Variants in GABRG3 observed in about 807,000 individuals in gnomAD.
The protein encoded by GABRG3 is gamma-aminobutyric acid type A receptor subunit gamma3, also known as gamma-aminobutyric acid receptor subunit gamma-3.
In GABRG3, 25 loss-of-function variants were observed where a neutral mutation model predicts 48.8. The ratio of observed to expected loss-of-function variants is 0.51; its 90% CI spans 0.37 to 0.72. The LOEUF is 0.72. Among genes scored for constraint, GABRG3 ranks in the 30% least tolerant of loss-of-function variants. GABRG3 has a pLI of 0.00. For missense variants in GABRG3, 394 were observed against 577.9 expected (o/e 0.68, Z 3.26); for synonymous variants, 227 against 217.6 (o/e 1.04, Z -0.38).
chr15:27,032,235 G>A (rs749163778), intron 3 of GABRG3, among the ~76,000 whole-genome samples: 4 of 152,026 alleles, frequency 2.6e-5, no homozygotes, highest in South Asian at 2.1e-4. Flanking sequence ...TCTTTCTAAC[G>A]TATGTTAGTT....
At chr15:27,509,091 G>A (rs1334736595) in intron 6 of GABRG3, among the ~76,000 whole-genome samples, 23 of 152,112 alleles carry the variant, frequency 1.5e-4, no homozygotes, top group Admixed American at 1.5e-3. Flanking sequence ...TTTTTACTGA[G>A]TTTCACTGTG....
chr15:27,193,170 A>G (rs1188413144), intron 3 of GABRG3, among the ~76,000 whole-genome samples: 1 of 152,246 alleles, frequency 6.6e-6, no homozygotes, highest in African/African-American at 2.4e-5. Context: ...GTCAGGGGTC[A>G]GGGACCCACA....
At chr15:27,369,246 T>C (rs1342940514) in intron 5 of GABRG3, among the ~76,000 whole-genome samples, 1 of 151,932 alleles carries the variant, frequency 6.6e-6, no homozygotes, top group Non-Finnish European at 1.5e-5. Context: ...TGCAAGTGAG[T>C]TCAGCAAAAT....
At chr15:27,367,780 T>C (rs1302253951) in intron 5 of GABRG3, among the ~76,000 whole-genome samples, 1 of 152,184 alleles carries the variant, frequency 6.6e-6, no homozygotes, top group Non-Finnish European at 1.5e-5. Context: ...TTCTGTGCCA[T>C]GTGGTCCTTG....
chr15:27,515,739 G>C (rs997379850), intron 6 of GABRG3, among the ~76,000 whole-genome samples: 1 of 152,146 alleles, frequency 6.6e-6, no homozygotes, highest in Non-Finnish European at 1.5e-5. Context: ...AGTAAATAAT[G>C]GTTTTGAAAT....
chr15:27,473,621 T>C (rs775207333), intron 5 of GABRG3, among the ~76,000 whole-genome samples: 16 of 152,238 alleles, frequency 1.1e-4, no homozygotes, highest in Non-Finnish European at 1.6e-4. Flanking sequence ...GTATATTTTA[T>C]TGTTATTTAA....
At chr15:27,454,810 C>T (rs1021050768) in intron 5 of GABRG3, among the ~76,000 whole-genome samples, 7 of 152,166 alleles carry the variant, frequency 4.6e-5, no homozygotes, top group African/African-American at 1.4e-4. Context: ...ACTTCAGTGT[C>T]AACACATACG....
intron 3 of GABRG3, among the ~76,000 whole-genome samples, chr15:27,276,689 G>A (rs1029435955): frequency 1.3e-5 from 2 of 152,094 alleles, no homozygotes; most frequent in Non-Finnish European, 2.9e-5. Flanking sequence ...CAAGAGTGGC[G>A]TGGTGCAGGT....
chr15:27,412,950 G>T (rs1021324715), intron 5 of GABRG3, among the ~76,000 whole-genome samples: 3 of 152,120 alleles, frequency 2.0e-5, no homozygotes, highest in Admixed American at 1.3e-4. Context: ...TCACAGTAAA[G>T]TAACAGTTTT....
chr15:27,140,109 A>T (rs2140389100), intron 3 of GABRG3, among the ~76,000 whole-genome samples: 1 of 152,286 alleles, frequency 6.6e-6, no homozygotes, highest in East Asian at 1.9e-4. Context: ...CCTTTATAAT[A>T]AACCAGTAAA....
intron 3 of GABRG3, among the ~76,000 whole-genome samples, chr15:27,065,035 G>A (rs955568257): frequency 4.6e-5 from 7 of 152,014 alleles, no homozygotes; most frequent in Non-Finnish European, 7.4e-5. Context: ...TCCTGAGAAG[G>A]AGCAGGTGCC....
chr15:27,306,947 T>TATAAACATGTTTATATATAAACATAG lies in GABRG3; in HGVS notation c.271-19861_271-19860insTAAACATGTTTATATATAAACATAGA, dbSNP rs1479529502. Among the ~76,000 whole-genome samples, 24 of 92,166 alleles carry TATAAACATGTTTATATATAAACATAG rather than the reference T, an allele frequency of 2.6e-4. 2 individuals are homozygous for TATAAACATGTTTATATATAAACATAG. The highest frequency in any genetic ancestry group is 8.1e-4 in the African/African-American group (20 of 24,772). 60.5% of individuals were successfully genotyped at this position (92,166 alleles called of 152,430 possible). On this transcript the variant is annotated intron_variant, in intron 3 of 9. Transcript: ENST00000615808. ...AAACATGTTTATATATAAACATATA[T>TATAAACATGTTTATATATAAACATAG]AATATAAACATGTTTATATATAAAC...
At chr15:27,028,805 CAAAAAAAA>C (rs35610809) in intron 3 of GABRG3, among the ~76,000 whole-genome samples, 3 of 102,556 alleles carry the variant, frequency 2.9e-5, no homozygotes, top group Admixed American at 1.1e-4. Flanking sequence ...GACTTCATCT[CAAAAAAAA>C]AAAAAAAAAA....
At chr15:27,009,216 G>A (rs1392562016) in intron 2 of GABRG3, among the ~76,000 whole-genome samples, 3 of 152,112 alleles carry the variant, frequency 2.0e-5, no homozygotes, top group East Asian at 1.9e-4. Context: ...GAGAGAGCTC[G>A]AATACTGATA....
intron 5 of GABRG3, among the ~76,000 whole-genome samples, chr15:27,448,727 A>G (rs922131155): frequency 6.6e-6 from 1 of 152,234 alleles, no homozygotes; most frequent in Non-Finnish European, 1.5e-5. Flanking sequence ...AAACTACACA[A>G]AAAGCAGAAA....
chr15:26,981,441 A>G (rs1566899378), intron 2 of GABRG3, among the ~76,000 whole-genome samples: 1 of 152,176 alleles, frequency 6.6e-6, no homozygotes, highest in Non-Finnish European at 1.5e-5. Flanking sequence ...ATCTTGGCAA[A>G]TGCTCCACGG....
intron 3 of GABRG3, among the ~76,000 whole-genome samples, chr15:27,318,444 C>T (rs943029469): frequency 4.6e-5 from 7 of 152,096 alleles, no homozygotes; most frequent in African/African-American, 1.7e-4. Flanking sequence ...AGTCCCACCT[C>T]CTTCCAGTAG....
chr15:27,292,809 A>G (rs960583345), intron 3 of GABRG3, among the ~76,000 whole-genome samples: 2 of 152,214 alleles, frequency 1.3e-5, no homozygotes, highest in African/African-American at 4.8e-5. Flanking sequence ...GACTATTTCT[A>G]TCACAGCAGC....
intron 3 of GABRG3, among the ~76,000 whole-genome samples, chr15:27,297,956 A>G (rs1892057460): frequency 7.2e-6 from 1 of 138,984 alleles, no homozygotes; most frequent in African/African-American, 2.5e-5. Context: ...TCCCAAAACA[A>G]CTACTAATAA....
Sources: allele counts gnomAD v4.1 joint callset (sites outside exome capture counted in the v4.1 genomes callset), GRCh38; gene constraint gnomAD v4.1.1; transcripts MANE v1.5; gene names NCBI Gene and HGNC (gene_info 2026-07-23, HGNC 2026-07-21).